MGAT5: variants seen among roughly 807,000 people sequenced by gnomAD.
The protein encoded by MGAT5 is alpha-1,6-mannosylglycoprotein 6-beta-N-acetylglucosaminyltransferase, also known as alpha-1,6-mannosylglycoprotein 6-beta-N-acetylglucosaminyltransferase A.
A neutral mutation model predicts 94.3 loss-of-function variants in MGAT5; 30 were observed. The ratio of observed to expected loss-of-function variants is 0.32; its 90% CI spans 0.24 to 0.43. The LOEUF is 0.43. MGAT5 is among the 20% of genes least tolerant of loss of function. MGAT5 has a pLI of 1.00. For synonymous variants in MGAT5, 310 were observed against 322.9 expected, an observed-to-expected ratio of 0.96 and a Z score of 0.43; for missense variants, 691 against 905.5, an observed-to-expected ratio of 0.76 and a Z score of 3.04.
chr2:134,343,060 A>G, intron 7 of MGAT5, among the ~76,000 whole-genome samples: 1 of 152,256 alleles, frequency 6.6e-6, no homozygotes, highest in Non-Finnish European at 1.5e-5. Context: ...CTATTTATAG[A>G]ATGAATGAGT....
At chr2:134,134,164 A>G (rs1490688990) in intron 1 of MGAT5, among the ~76,000 whole-genome samples, 2 of 152,092 alleles carry the variant, frequency 1.3e-5, no homozygotes, top group East Asian at 3.9e-4. Context: ...CCTGGCATGC[A>G]ATTCTTATCA....
chr2:134,280,339 T>C (rs1462148042), intron 2 of MGAT5, among the ~76,000 whole-genome samples: 5 of 152,110 alleles, frequency 3.3e-5, no homozygotes, highest in African/African-American at 1.2e-4. Flanking sequence ...CCTTGAACAT[T>C]CAGCAAGTCT....
intron 1 of MGAT5, among the ~76,000 whole-genome samples, chr2:134,234,239 C>T (rs994194389): frequency 2.0e-5 from 3 of 152,172 alleles, no homozygotes; most frequent in Non-Finnish European, 2.9e-5. Flanking sequence ...TCAAGACTTA[C>T]AGGTTCTTCC....
Position 134,215,669 on chromosome 2 carries a change from A to G in MGAT5, c.-142-38593A>G, listed in dbSNP as rs534903521. ...AAACACATTGCAACTGAAGTCAGCT[A>G]AACTTCCTTGTAAGTTTCAGCCAGT... On this transcript the variant is annotated intron_variant, in intron 1 of 16. Transcript: ENST00000409645. Among the ~76,000 whole-genome samples the G allele has an allele frequency of 2.6e-5, 4 of 152,346 alleles. No homozygotes were observed. The South Asian group carries it at 8.3e-4, about 32-fold the overall frequency.
intron 10 of MGAT5, among the ~76,000 whole-genome samples, chr2:134,374,325 A>T (rs900726177): frequency 2.0e-5 from 3 of 152,194 alleles, no homozygotes; most frequent in African/African-American, 4.8e-5. Flanking sequence ...CGTGAAAATC[A>T]TGAGATTTAC....
At chr2:134,400,874 A>C (rs1683008575) in intron 10 of MGAT5, among the ~76,000 whole-genome samples, 2 of 152,144 alleles carry the variant, frequency 1.3e-5, no homozygotes, top group African/African-American at 4.8e-5. Flanking sequence ...TGAAATCCAC[A>C]CAGGGAAACT....
chr2:134,391,802 A>G lies in MGAT5; in HGVS notation c.1381-11186A>G, dbSNP rs980406395. On this transcript the variant is annotated intron_variant, in intron 10 of 15. Coordinates refer to ENST00000281923, the MANE Select transcript of MGAT5 (RefSeq NM_002410.5). The stretch of plus-strand genomic sequence containing the variant: ...CACAAGGTTGAGAAGTCATGAGAAG[A>G]ATCCTTTGTAGTTTGAGTCACTTAA... Among the ~76,000 whole-genome samples, 8 of 152,186 alleles carry G rather than the reference A, an allele frequency of 5.3e-5. No individual in the cohort carries two copies. In the East Asian group the frequency reaches 1.3e-3, roughly 26 times the overall value.
intron 13 of MGAT5, among the ~76,000 whole-genome samples, chr2:134,425,758 A>G (rs1046236864): frequency 3.3e-5 from 5 of 152,192 alleles, no homozygotes; most frequent in African/African-American, 9.7e-5. Context: ...TAGTGGAGAC[A>G]GGAAATCTCA....
chr2:134,315,838 A>G (rs893770336), intron 2 of MGAT5, among the ~76,000 whole-genome samples: 3 of 152,206 alleles, frequency 2.0e-5, no homozygotes, highest in African/African-American at 7.2e-5. Context: ...TTTATGCTCT[A>G]GTTATTCTTA....
chr2:134,156,418 G>T (rs1205265651), intron 1 of MGAT5, among the ~76,000 whole-genome samples: 1 of 152,096 alleles, frequency 6.6e-6, no homozygotes, highest in African/African-American at 2.4e-5. Context: ...TCTGTGTGAG[G>T]TTGTTAACGA....
intron 12 of MGAT5, among the ~76,000 whole-genome samples, chr2:134,421,782 A>G (rs1364256751): frequency 2.6e-5 from 4 of 152,180 alleles, no homozygotes; most frequent in Non-Finnish European, 5.9e-5. Context: ...ATGCTCTCAC[A>G]CGTGGCTAGA....
intron 4 of MGAT5, among the ~76,000 whole-genome samples, chr2:134,334,349 T>C (rs1688202896): frequency 6.6e-6 from 1 of 152,086 alleles, no homozygotes. Flanking sequence ...CGCTCATGTC[T>C]CTCCTCTTAG....
chr2:134,429,404 C>T (rs549498217), intron 14 of MGAT5, among the ~76,000 whole-genome samples: 1 of 152,310 alleles, frequency 6.6e-6, no homozygotes, highest in East Asian at 1.9e-4. Context: ...TTGTTAGCAG[C>T]AAGAGAGCGC....
intron 13 of MGAT5, among the ~76,000 whole-genome samples, 186 bp downstream of exon 13, chr2:134,423,105 G>C (rs756978503): frequency 2.9e-4 from 44 of 152,306 alleles, no homozygotes; most frequent in Non-Finnish European, 4.7e-4. Flanking sequence ...AATGGAAACA[G>C]AGCTGGTATC....
At chr2:134,297,031 A>G (rs1391691409) in intron 2 of MGAT5, among the ~76,000 whole-genome samples, 8 of 151,780 alleles carry the variant, frequency 5.3e-5, no homozygotes, top group Admixed American at 3.3e-4. Flanking sequence ...AGACCCCATT[A>G]TCTACAAAAA....
At chr2:134,408,962 A>G (rs2106318742) in intron 11 of MGAT5, among the ~76,000 whole-genome samples, 1 of 152,314 alleles carries the variant, frequency 6.6e-6, no homozygotes, top group Non-Finnish European at 1.5e-5. Context: ...ACTGTAAACC[A>G]TATCATCTCT....
intron 3 of MGAT5, 110 bp from the exon 4 acceptor site, chr2:134,318,540 C>G (rs4954134): frequency 0.98 from 785,804 of 799,802 alleles, 386,313 homozygotes; most frequent in East Asian, 1. Context: ...GTTCTTTAGG[C>G]CACAGCTTGA....
intron 1 of MGAT5, among the ~76,000 whole-genome samples, chr2:134,235,825 G>A (rs1681611968): frequency 6.6e-6 from 1 of 150,400 alleles, no homozygotes; most frequent in Middle Eastern, 3.4e-3. Flanking sequence ...TAGTGTATTT[G>A]AGGCAAGGGA....
chr2:134,367,212 A>G (rs1269528717), intron 10 of MGAT5, among the ~76,000 whole-genome samples: 2 of 152,224 alleles, frequency 1.3e-5, no homozygotes, highest in East Asian at 3.8e-4. Context: ...CAGTAAGTCT[A>G]AATACATGTT....
Sources: allele counts gnomAD v4.1 joint callset (sites outside exome capture counted in the v4.1 genomes callset), GRCh38; gene constraint gnomAD v4.1.1; transcripts MANE v1.5; gene names NCBI Gene and HGNC (gene_info 2026-07-23, HGNC 2026-07-21).